Variants in SOAT2 observed in about 807,000 individuals in gnomAD.
The protein encoded by SOAT2 is sterol O-acyltransferase 2.
In SOAT2, 87 loss-of-function variants were observed where a neutral mutation model predicts 76.0. The observed-to-expected ratio is 1.14, with a 90% CI of 0.96 to 1.37. The LOEUF is 1.37. Among genes scored for constraint, SOAT2 ranks in the 40% most tolerant of loss-of-function variants. The pLI is 0.00. For synonymous variants in SOAT2, 285 were observed against 275.4 expected, an observed-to-expected ratio of 1.03 and a Z score of -0.34; for missense variants, 686 against 682.1, an observed-to-expected ratio of 1.01 and a Z score of -0.06.
Position 53,124,433 on chromosome 12 carries a change from G to A in SOAT2, c.*310G>A, listed in dbSNP as rs949819211. 6 of 390,422 alleles carry A rather than the reference G, an allele frequency of 1.5e-5. No homozygotes were observed. Among genetic ancestry groups the A allele is most frequent in the Non-Finnish European group, 2.3e-5 (5 of 216,382 alleles). The allele number at this position is 390,422 out of a possible 1,614,324, so 24.2% of individuals were successfully genotyped here. On this transcript the variant is annotated 3_prime_UTR_variant, in exon 15 of 15. Coordinates refer to ENST00000301466, the MANE Select transcript of SOAT2 (RefSeq NM_003578.4). ...TACCTTATGGATTTGATGAATGTGG[G>A]GGAACTCAGAGGAACTGGGGCCACC...
At chr12:53,116,314 G>A (rs1003058749) in intron 7 of SOAT2, 148 bp downstream of exon 7, 1 of 650,304 alleles carries the variant, frequency 1.5e-6, no homozygotes, top group Non-Finnish European at 2.7e-6. Context: ...TGGGCTCTGT[G>A]GGCCTTCATC....
chr12:53,121,950 C>T (rs1234076793), intron 12 of SOAT2, among the ~76,000 whole-genome samples: 4 of 151,174 alleles, frequency 2.6e-5, no homozygotes, highest in South Asian at 2.1e-4. Flanking sequence ...TGGGACTACA[C>T]GCAAATGCCA....
chr12:53,108,734 T>C (rs899655214), intron 5 of SOAT2, among the ~76,000 whole-genome samples: 2 of 152,238 alleles, frequency 1.3e-5, no homozygotes, highest in Non-Finnish European at 2.9e-5. Flanking sequence ...CTAAATGTTT[T>C]TCCTCCATTG....
intron 5 of SOAT2, among the ~76,000 whole-genome samples, chr12:53,114,652 C>T (rs922643299): frequency 1.3e-5 from 2 of 152,218 alleles, no homozygotes; most frequent in South Asian, 2.1e-4. Context: ...ACCCGGGAGG[C>T]GGAGGTTGCA....
Position 53,104,322 on chromosome 12 carries a change from C to T in SOAT2, c.138+116C>T, listed in dbSNP as rs529547625. On this transcript the variant is annotated intron_variant, in intron 2 of 14. Transcript: ENST00000301466. ...TTTTTTTTTTTTTGAAACAAAGTCT[C>T]GCTCTGTTGCTCAGGCTGGAGTGCA... The T allele has an allele frequency of 7.4e-5, 54 of 726,002 alleles. No homozygotes were observed. The East Asian group carries it at 8.6e-4, about 12-fold the overall frequency. 45.0% of individuals were successfully genotyped at this position (726,002 alleles called of 1,614,324 possible). A position where few individuals can be genotyped will look rare whatever the true frequency, so the allele number is the denominator to read the frequency against.
intron 7 of SOAT2, among the ~76,000 whole-genome samples, chr12:53,117,191 C>T (rs1592278483): frequency 6.6e-6 from 1 of 151,646 alleles, no homozygotes; most frequent in South Asian, 2.1e-4. Context: ...GAACTCCTGA[C>T]CTCCAGTGAT....
intron 8 of SOAT2, among the ~76,000 whole-genome samples, 157 bp from the exon 9 acceptor site, chr12:53,118,733 A>G (rs996457295): frequency 6.6e-6 from 1 of 151,996 alleles, no homozygotes; most frequent in Non-Finnish European, 1.5e-5. Flanking sequence ...TCTGTTATGG[A>G]AAGTTCAGAG....
chr12:53,116,959 ATT>A (rs71095980), intron 7 of SOAT2, among the ~76,000 whole-genome samples: 31 of 138,950 alleles, frequency 2.2e-4, no homozygotes, highest in African/African-American at 5.1e-4. Context: ...CCAATTTCAA[ATT>A]TTTTTTTTTT....
chr12:53,120,976 A>G, intron 11 of SOAT2, 93 bp downstream of exon 11: 1 of 940,540 alleles, frequency 1.1e-6, no homozygotes. Context: ...GTGTCACTTC[A>G]GCCATGCTGT....
intron 5 of SOAT2, among the ~76,000 whole-genome samples, chr12:53,110,426 T>G (rs1198549494): frequency 6.6e-6 from 1 of 152,196 alleles, no homozygotes; most frequent in African/African-American, 2.4e-5. Context: ...TTAGGAGGCC[T>G]AATCACCTTT....
In SOAT2 at chr12:53,119,260, C is replaced by A. The variant is rs1938153276; in HGVS notation, c.1039+7C>A. 1 of 1,613,802 alleles carries A rather than the reference C, an allele frequency of 6.2e-7. No homozygotes were observed. Among genetic ancestry groups the A allele is most frequent in the Admixed American group, 1.7e-5 (1 of 59,970 alleles). Reference sequence around the variant, plus strand: ...CTGCATGCCACGTTGCCAGGTGAGCCAACTAAGGTAGGGCTAGAGCAGCTG... The same window carrying A: ...CTGCATGCCACGTTGCCAGGTGAGCAAACTAAGGTAGGGCTAGAGCAGCTG... On this transcript the variant is annotated splice_region_variant and intron_variant, in intron 10 of 14. Transcript: ENST00000301466.
chr12:53,124,350 C>G lies in SOAT2; in HGVS notation c.*227C>G, dbSNP rs559497175. ...CAGGGTGACTCTTCAATCCCTATCC[C>G]CATGGGCTGGGTACAGGATATCCTC... On this transcript the variant is annotated 3_prime_UTR_variant, in exon 15 of 15. Coordinates refer to ENST00000301466, the MANE Select transcript of SOAT2 (RefSeq NM_003578.4). 43 of 596,064 alleles carry G rather than the reference C, an allele frequency of 7.2e-5. No homozygotes were observed. In the South Asian group the frequency reaches 8.2e-4, roughly 11 times the overall value. 36.9% of individuals were successfully genotyped at this position (596,064 alleles called of 1,614,324 possible). A position where few individuals can be genotyped will look rare whatever the true frequency, so the allele number is the denominator to read the frequency against.
intron 14 of SOAT2, 45 bp downstream of exon 14, chr12:53,123,918 C>G: frequency 6.2e-7 from 1 of 1,611,906 alleles, no homozygotes; most frequent in South Asian, 1.1e-5. Context: ...CATGAGGACA[C>G]ACAGACCAAC....
chr12:53,123,543 C>G (rs1402345194), intron 13 of SOAT2, among the ~76,000 whole-genome samples, 185 bp from the exon 14 acceptor site: 1 of 152,168 alleles, frequency 6.6e-6, no homozygotes, highest in Non-Finnish European at 1.5e-5. Flanking sequence ...TATTGAAGTA[C>G]AAACTGAAGA....
intron 11 of SOAT2, among the ~76,000 whole-genome samples, 198 bp downstream of exon 11, chr12:53,121,081 A>T (rs1938182578): frequency 6.6e-6 from 1 of 152,170 alleles, no homozygotes; most frequent in African/African-American, 2.4e-5. Flanking sequence ...TTTTGTGTGC[A>T]TGGTACTACA....
rs149108323 is a variant in SOAT2 at position 53,112,411 on chromosome 12, T to A, written c.444-2979T>A. Among the ~76,000 whole-genome samples, 708 of 152,122 alleles carry A rather than the reference T, an allele frequency of 4.7e-3. 11 individuals carry two copies. The highest frequency in any genetic ancestry group is 0.016 in the African/African-American group (672 of 41,492). Reference sequence around the variant, plus strand: ...AAAATAAAAAATTAGCCAGGCGTGGTAGCACATACCTGTAATCCTAGCTAC... The same window carrying A: ...AAAATAAAAAATTAGCCAGGCGTGGAAGCACATACCTGTAATCCTAGCTAC... On this transcript the variant is annotated intron_variant, in intron 5 of 14. Coordinates refer to ENST00000301466, the MANE Select transcript of SOAT2 (RefSeq NM_003578.4).
Position 53,115,968 on chromosome 12 carries a change from A to G in SOAT2, c.709-129A>G, listed in dbSNP as rs1938101591. 3 of 823,512 alleles carry G rather than the reference A, an allele frequency of 3.6e-6. No homozygotes were observed. The East Asian group carries it at 7.4e-5, about 20-fold the overall frequency. The allele number at this position is 823,512 out of a possible 1,614,324, so 51.0% of individuals were successfully genotyped here. On this transcript the variant is annotated intron_variant, in intron 6 of 14. Coordinates refer to ENST00000301466, the MANE Select transcript of SOAT2 (RefSeq NM_003578.4). ...TATACGGCCATCCAACAAAAAGAAA[A>G]AGTATGGGCTCTGACCAGACAGATC...
chr12:53,121,487 C>A, intron 12 of SOAT2, 86 bp downstream of exon 12: 1 of 1,102,936 alleles, frequency 9.1e-7, no homozygotes, highest in Non-Finnish European at 1.4e-6. Context: ...TACAGTGTGG[C>A]AACTACACCA....
chr12:53,113,531 T>C (rs1938056160), intron 5 of SOAT2, among the ~76,000 whole-genome samples: 1 of 152,176 alleles, frequency 6.6e-6, no homozygotes, highest in African/African-American at 2.4e-5. Context: ...CTGGCTGGCT[T>C]GCCACGTTTT....
Sources: allele counts gnomAD v4.1 joint callset (sites outside exome capture counted in the v4.1 genomes callset), GRCh38; gene constraint gnomAD v4.1.1; transcripts MANE v1.5; gene names NCBI Gene and HGNC (gene_info 2026-07-23, HGNC 2026-07-21).